The following MRPS16 variants were observed in gnomAD, a reference collection of about 807,000 sequenced individuals.
MRPS16 encodes the protein small ribosomal subunit protein bS16m.
MRPS16 carries 5 observed loss-of-function variants against 11.0 expected under a neutral mutation model. The observed-to-expected ratio is 0.46, with a 90% CI of 0.24 to 0.96. The LOEUF (loss-of-function observed/expected upper bound fraction) is 0.96, where lower values mean the gene tolerates loss of function less well. Among genes scored for constraint, MRPS16 ranks in the 40% least tolerant of loss-of-function variants. The pLI is 0.20. For missense variants in MRPS16, 179 were observed against 174.4 expected (o/e 1.03, Z -0.15); for synonymous variants, 76 against 65.0 (o/e 1.17, Z -0.81).
At chr10:73,252,357 C>T in intron 1 of MRPS16, 113 bp downstream of exon 1, 1 of 1,450,014 alleles carries the variant, frequency 6.9e-7, no homozygotes, top group Non-Finnish European at 9.5e-7. Flanking sequence ...GGCAGTGTGG[C>T]TGCTTCAGGT....
chr10:73,252,524 G>C lies in MRPS16; in HGVS notation c.-42C>G. ...GGCTCCTCGGAGAGCCCCGCTACCC[G>C]CACGCACCAGCTCTACGGCCTTGGC... On this transcript the variant is annotated 5_prime_UTR_variant, in exon 1 of 3. Coordinates refer to ENST00000372945, the MANE Select transcript of MRPS16 (RefSeq NM_016065.4). 6.2e-7 allele frequency: 1 copy of C among 1,602,640 alleles called. No homozygotes were observed. The highest frequency in any genetic ancestry group is 8.5e-7 in the Non-Finnish European group (1 of 1,178,878).
chr10:73,249,571 C>A lies in MRPS16; in HGVS notation c.*1281G>T. On this transcript the variant is annotated 3_prime_UTR_variant, in exon 3 of 3. Transcript: ENST00000372945. ...GAAAGAAAAGTACAAGAATAAGGTTCACAGCTGAATTGGCTTGGTGTCCTA... is the reference window on the plus strand; with the variant it reads ...GAAAGAAAAGTACAAGAATAAGGTTAACAGCTGAATTGGCTTGGTGTCCTA... 1 of 475,650 alleles carries A rather than the reference C, an allele frequency of 2.1e-6. No homozygotes were observed. The highest frequency in any genetic ancestry group is 3.8e-6 in the Non-Finnish European group (1 of 264,342). The allele number at this position is 475,650 out of a possible 1,614,324, so 29.5% of individuals were successfully genotyped here.
intron 2 of MRPS16, among the ~76,000 whole-genome samples, chr10:73,251,280 G>GAGTC (rs2044089627): frequency 6.6e-6 from 1 of 152,148 alleles, no homozygotes; most frequent in Non-Finnish European, 1.5e-5. Context: ...TCTTACAAAG[G>GAGTC]AGTCCACAAA....
At chr10:73,251,037 A>G (rs1371148686) in intron 2 of MRPS16, 46 bp from the exon 3 acceptor site, 14 of 1,604,796 alleles carry the variant, frequency 8.7e-6, no homozygotes, top group Non-Finnish European at 1.1e-5. Context: ...GTATAAGCCA[A>G]TGCTTCCCTA....
intron 1 of MRPS16, 44 bp downstream of exon 1, chr10:73,252,426 C>G: frequency 6.2e-7 from 1 of 1,608,626 alleles, no homozygotes; most frequent in Non-Finnish European, 8.5e-7. Flanking sequence ...AACTCCCGAG[C>G]CCCGTGACCG....
Position 73,251,958 on chromosome 10 carries a change from T to A in MRPS16, c.79A>T (p.Thr27Ser), listed in dbSNP as rs769244005. The change falls in exon 2 of 3, where the codon ACC becomes TCC. Residue 27 changes from threonine (T) to serine (S), a missense_variant. Coordinates refer to ENST00000372945, the MANE Select transcript of MRPS16 (RefSeq NM_016065.4). ...LTIRLALGGC[T>S]NRPFYRIVAA... ...ACAATGCGGTAGAACGGCCGATTGGTGCAGCCACCCAGGGCAAGGCGGATG... is the reference window on the plus strand; with the variant it reads ...ACAATGCGGTAGAACGGCCGATTGGAGCAGCCACCCAGGGCAAGGCGGATG... 2 of 1,614,054 alleles carry A rather than the reference T, an allele frequency of 1.2e-6. No individual in the cohort carries two copies. Among genetic ancestry groups the A allele is most frequent in the Admixed American group, 1.7e-5 (1 of 59,990 alleles).
rs2044133001 is a variant in MRPS16, at chr10:73,252,461, A to T, written c.13+9T>A. Reference sequence around the variant, plus strand: ...GCCCGGAACGTCTCGCGGTGGCCCGATGACTCACTGAGGTGGACCATGGTG... The same window carrying T: ...GCCCGGAACGTCTCGCGGTGGCCCGTTGACTCACTGAGGTGGACCATGGTG... On this transcript the variant is annotated intron_variant, in intron 1 of 2. Coordinates refer to ENST00000372945, the MANE Select transcript of MRPS16 (RefSeq NM_016065.4). 2 of 1,609,292 alleles carry T rather than the reference A, an allele frequency of 1.2e-6. No homozygotes were observed. The highest frequency in any genetic ancestry group is 1.7e-6 in the Non-Finnish European group (2 of 1,179,824).
chr10:73,252,521 C>G lies in MRPS16; in HGVS notation c.-39G>C. 1 of 1,603,676 alleles carries G rather than the reference C, an allele frequency of 6.2e-7. No homozygotes were observed. The highest frequency in any genetic ancestry group is 8.5e-7 in the Non-Finnish European group (1 of 1,179,208). Reference sequence around the variant, plus strand: ...TGCGGCTCCTCGGAGAGCCCCGCTACCCGCACGCACCAGCTCTACGGCCTT... The same window carrying G: ...TGCGGCTCCTCGGAGAGCCCCGCTAGCCGCACGCACCAGCTCTACGGCCTT... On this transcript the variant is annotated 5_prime_UTR_variant, in exon 1 of 3. Coordinates refer to ENST00000372945, the MANE Select transcript of MRPS16 (RefSeq NM_016065.4).
rs763133135 is a variant in MRPS16 at position 73,252,041 on chromosome 10, G to C, written c.14-18C>G. 8 of 1,609,660 alleles carry C rather than the reference G, an allele frequency of 5.0e-6. No homozygotes were observed. In the East Asian group the frequency reaches 1.8e-4, roughly 36 times the overall value. On this transcript the variant is annotated intron_variant, in intron 1 of 2. Transcript: ENST00000372945. Reference sequence around the variant, plus strand: ...GAGAGTAGCTGTAGAAAAGCAGCTGGTTAGGACACAAAAAACAGCACAAAA... The same window carrying C: ...GAGAGTAGCTGTAGAAAAGCAGCTGCTTAGGACACAAAAAACAGCACAAAA...
Position 73,250,501 on chromosome 10 carries a change from G to T in MRPS16, c.*351C>A, listed in dbSNP as rs2044074333. Reference sequence around the variant, plus strand: ...ACTTGTGGGATGAACATGAAGATCTGAATGGGCCATGAATAGTCTGGCTGG... The same window carrying T: ...ACTTGTGGGATGAACATGAAGATCTTAATGGGCCATGAATAGTCTGGCTGG... On this transcript the variant is annotated 3_prime_UTR_variant, in exon 3 of 3. Transcript: ENST00000372945. 1 of 328,956 alleles carries T rather than the reference G, an allele frequency of 3.0e-6. No homozygotes were observed. The highest frequency in any genetic ancestry group is 5.8e-6 in the Non-Finnish European group (1 of 172,188). The allele number at this position is 328,956 out of a possible 1,614,324, so 20.4% of individuals were successfully genotyped here.
Position 73,252,507 on chromosome 10 carries a change from G to T in MRPS16, c.-25C>A. On this transcript the variant is annotated 5_prime_UTR_variant, in exon 1 of 3. Transcript: ENST00000372945. The stretch of plus-strand genomic sequence containing the variant: ...TGGTGCCGCCGGCGTGCGGCTCCTC[G>T]GAGAGCCCCGCTACCCGCACGCACC... 1 of 1,605,698 alleles carries T rather than the reference G, an allele frequency of 6.2e-7. No homozygotes were observed.
Position 73,249,125 on chromosome 10 carries a change from C to G in MRPS16, c.*1727G>C, listed in dbSNP as rs568271661. 13 of 665,608 alleles carry G rather than the reference C, an allele frequency of 2.0e-5. No homozygotes were observed. Among genetic ancestry groups the G allele is most frequent in the South Asian group, 1.8e-4 (10 of 54,504 alleles). The allele number at this position is 665,608 out of a possible 1,614,324, so 41.2% of individuals were successfully genotyped here. On this transcript the variant is annotated 3_prime_UTR_variant, in exon 3 of 3. Coordinates refer to ENST00000372945, the MANE Select transcript of MRPS16 (RefSeq NM_016065.4). ...GTAGAGACGGGGTCTTGCTGTGTTG[C>G]ACAGGCTGGTCTCAAACTCTGGCTT...
chr10:73,250,384 CAAAAAAA>C lies in MRPS16; in HGVS notation c.*461_*467del. On this transcript the variant is annotated 3_prime_UTR_variant, in exon 3 of 3. Transcript: ENST00000372945. ...CTGGCAACAGAACAAGACTCCGTCT[CAAAAAAA>C]AAAAAAAAAAGAGAATATGCATTAG... 1.1e-5 allele frequency: 1 copy of C among 95,192 alleles called. No homozygotes were observed. Among genetic ancestry groups the C allele is most frequent in the South Asian group, 2.0e-4 (1 of 5,016 alleles). The allele number at this position is 95,192 out of a possible 1,614,324, so 5.9% of individuals were successfully genotyped here. A position where few individuals can be genotyped will look rare whatever the true frequency, so the allele number is the denominator to read the frequency against.
At chr10:73,251,129 G>T in intron 2 of MRPS16, 138 bp from the exon 3 acceptor site, 1 of 962,844 alleles carries the variant, frequency 1.0e-6, no homozygotes, top group Non-Finnish European at 1.6e-6. Context: ...GCCAAACTCT[G>T]TACTACTTCT....
chr10:73,250,484 G>T lies in MRPS16; in HGVS notation c.*368C>A. 3 of 293,766 alleles carry T rather than the reference G, an allele frequency of 1.0e-5. No homozygotes were observed. The highest frequency in any genetic ancestry group is 7.4e-5 in the South Asian group (2 of 26,878). The allele number at this position is 293,766 out of a possible 1,614,324, so 18.2% of individuals were successfully genotyped here. A position where few individuals can be genotyped will look rare whatever the true frequency, so the allele number is the denominator to read the frequency against. On this transcript the variant is annotated 3_prime_UTR_variant, in exon 3 of 3. Transcript: ENST00000372945. ...AGGTTAACTGTTCTTGCACTTGTGG[G>T]ATGAACATGAAGATCTGAATGGGCC...
intron 2 of MRPS16, 26 bp from the exon 3 acceptor site, chr10:73,251,017 T>C (rs1478114422): frequency 5.0e-6 from 8 of 1,613,374 alleles, no homozygotes; most frequent in African/African-American, 2.7e-5. Flanking sequence ...TTTTCACTTA[T>C]TATAACACAG....
At position 73,250,607 on chromosome 10, in the gene MRPS16, T is replaced by G. The variant is rs906687377; in HGVS notation, c.*245A>C. On this transcript the variant is annotated 3_prime_UTR_variant, in exon 3 of 3. Transcript: ENST00000372945. ...CCCAGAGCCCAACTCAAAAGTCCAATCCTCCCATAGCCACTGTCTATCCCA... is the reference window on the plus strand; with the variant it reads ...CCCAGAGCCCAACTCAAAAGTCCAAGCCTCCCATAGCCACTGTCTATCCCA... The G allele has an allele frequency of 1.4e-5, 7 of 499,382 alleles. No individual in the cohort carries two copies. Among genetic ancestry groups the G allele is most frequent in the South Asian group, 1.2e-4 (6 of 48,062 alleles). 30.9% of individuals were successfully genotyped at this position (499,382 alleles called of 1,614,324 possible).
chr10:73,252,068 G>A (rs753011819), intron 1 of MRPS16, 45 bp from the exon 2 acceptor site: 2 of 1,594,746 alleles, frequency 1.3e-6, no homozygotes, highest in East Asian at 2.3e-5. Context: ...AGCACAAAAA[G>A]GACAAAATGA....
In MRPS16 at chr10:73,249,410, T is replaced by TG; in HGVS notation, c.*1441_*1442insC. On this transcript the variant is annotated 3_prime_UTR_variant, in exon 3 of 3. Coordinates refer to ENST00000372945, the MANE Select transcript of MRPS16 (RefSeq NM_016065.4). ...CAAACTATAAAGATCCCTTATAGAT[T>TG]ACTGGCATCAAGGTAGGAAGGAAAA... 7.8e-7 allele frequency: 1 copy of TG among 1,275,744 alleles called. No homozygotes were observed. Among genetic ancestry groups the TG allele is most frequent in the Non-Finnish European group, 1.1e-6 (1 of 915,712 alleles). 79.0% of individuals were successfully genotyped at this position (1,275,744 alleles called of 1,614,324 possible). A position where few individuals can be genotyped will look rare whatever the true frequency, so the allele number is the denominator to read the frequency against.
Sources: gnomAD v4.1 joint callset for allele counts (sites outside exome capture counted in the v4.1 genomes callset) on GRCh38, gnomAD v4.1.1 for gene constraint, MANE v1.5 for transcripts, NCBI Gene and HGNC (gene_info 2026-07-23, HGNC 2026-07-21) for gene names.